Variants in DEPDC5 observed in about 807,000 individuals in gnomAD.
DEPDC5 encodes the protein DEP domain containing 5, GATOR1 subcomplex subunit.
A neutral mutation model predicts 217.3 loss-of-function variants in DEPDC5; 73 were observed. The ratio of observed to expected loss-of-function variants is 0.34; its 90% CI spans 0.28 to 0.41. DEPDC5 has a LOEUF of 0.41. Ranked by LOEUF, DEPDC5 falls within the 10% of genes least tolerant of loss-of-function variation. The probability of loss-of-function intolerance (pLI) is 1.00; values close to 1 mark genes in which losing one functional copy is unlikely to be tolerated. For synonymous variants in DEPDC5, 733 were observed against 756.7 expected (o/e 0.97, Z 0.51); for missense variants, 1,675 against 2,070.1 (o/e 0.81, Z 3.70).
intron 36 of DEPDC5, 147 bp from the exon 37 acceptor site, chr22:31,876,010 A>T: frequency 1.6e-6 from 1 of 619,530 alleles, no homozygotes; most frequent in South Asian, 2.3e-5. Context: ...AATATAATTT[A>T]TATCAAGTAC....
chr22:31,894,513 G>A (rs2149382416), intron 39 of DEPDC5: 1 of 152,156 alleles, frequency 6.6e-6, no homozygotes, highest in African/African-American at 2.4e-5. Context: ...GAACTCAGTG[G>A]TTCTTTACCT....
chr22:31,854,009 T>C (rs1196545149), intron 31 of DEPDC5, among the ~76,000 whole-genome samples: 2 of 152,212 alleles, frequency 1.3e-5, no homozygotes, highest in Non-Finnish European at 2.9e-5. Flanking sequence ...GGCTGTGTCT[T>C]CCTCCTGCCC....
intron 38 of DEPDC5, among the ~76,000 whole-genome samples, chr22:31,886,348 T>A (rs2093312618): frequency 6.6e-6 from 1 of 152,196 alleles, no homozygotes; most frequent in South Asian, 2.1e-4. Context: ...ATATCCTCGT[T>A]TCCAAAGCCT....
chr22:31,905,535 TG>T (rs995779241), intron 41 of DEPDC5, among the ~76,000 whole-genome samples: 3 of 148,080 alleles, frequency 2.0e-5, no homozygotes, highest in African/African-American at 7.5e-5. Context: ...AGTATGCGGG[TG>T]GGTATGTGTG....
intron 38 of DEPDC5, among the ~76,000 whole-genome samples, chr22:31,888,670 C>T (rs1294513206): frequency 6.6e-6 from 1 of 152,198 alleles, no homozygotes; most frequent in Non-Finnish European, 1.5e-5. Context: ...CTGCCTCAGC[C>T]TCCCAAGTGG....
chr22:31,815,186 G>C lies in DEPDC5; in HGVS notation c.1640G>C (p.Ser547Thr), dbSNP rs1483477312. 4 of 1,614,146 alleles carry C rather than the reference G, an allele frequency of 2.5e-6. No individual in the cohort carries two copies. The South Asian group carries it at 3.3e-5, about 13-fold the overall frequency. The change falls in exon 21 of 43, where the codon AGC becomes ACC. Residue 547 changes from serine (S) to threonine (T), a missense_variant. This residue lies in a region of DEPDC5 where 628 missense variants were observed against 762.1 expected (regional missense o/e 0.82). Coordinates refer to ENST00000651528, the MANE Select transcript of DEPDC5 (RefSeq NM_001242896.3). ...HPHLHQYEVS[S>T]SLGYTSTRDV... ...CACCTGCACCAGTATGAAGTCAGCA[G>C]CTCCTTGGGATACACCAGCACTCGA... is the stretch of plus-strand genomic sequence containing the variant.
chr22:31,821,663 A>G (rs2089710842), intron 23 of DEPDC5, 26 bp downstream of exon 23: 3 of 1,604,634 alleles, frequency 1.9e-6, no homozygotes, highest in South Asian at 2.2e-5. Context: ...GGGCTCTGGA[A>G]GGTAACCTGA....
chr22:31,891,042 T>C (rs1381253452), intron 38 of DEPDC5: 10 of 227,218 alleles, frequency 4.4e-5, no homozygotes, highest in Non-Finnish European at 1.8e-5. Context: ...ATTTTGGGAA[T>C]GGTTTTCTAA....
chr22:31,869,899 G>A (rs544861005), intron 33 of DEPDC5, among the ~76,000 whole-genome samples: 7 of 152,242 alleles, frequency 4.6e-5, no homozygotes, highest in Non-Finnish European at 8.8e-5. Context: ...TTGAGGGAGA[G>A]GCTGCAATCA....
chr22:31,877,436 C>CAAAAAAAA lies in DEPDC5; in HGVS notation c.3805+1195_3805+1202dup. On this transcript the variant is annotated intron_variant, in intron 37 of 42. Coordinates refer to ENST00000651528, the MANE Select transcript of DEPDC5 (RefSeq NM_001242896.3). ...TGGGCTACAGAGTGAGACTCCATCT[C>CAAAAAAAA]AAAAAAAAAAAAAAAAAAAAAAAAA... 8.6e-4 allele frequency among the ~76,000 whole-genome samples: 18 copies of CAAAAAAAA among 21,018 alleles called. 5 individuals are homozygous for CAAAAAAAA. Among genetic ancestry groups the CAAAAAAAA allele is most frequent in the African/African-American group, 1.6e-3 (12 of 7,320 alleles). 13.8% of individuals were successfully genotyped at this position (21,018 alleles called of 152,430 possible).
intron 30 of DEPDC5, 93 bp from the exon 31 acceptor site, chr22:31,846,741 G>T (rs746883348): frequency 1.9e-5 from 30 of 1,573,156 alleles, no homozygotes; most frequent in Non-Finnish European, 2.5e-5. Flanking sequence ...GGATTCCCGG[G>T]GCCTGGGAAT....
At chr22:31,792,920 AC>A in intron 12 of DEPDC5, 103 bp downstream of exon 12, 1 of 1,018,296 alleles carries the variant, frequency 9.8e-7, no homozygotes, top group South Asian at 2.1e-5. Context: ...CCCTGTCTCT[AC>A]CAAAAATACA....
chr22:31,774,026 G>A (rs540139461), intron 7 of DEPDC5, among the ~76,000 whole-genome samples: 294 of 152,086 alleles, frequency 1.9e-3, no homozygotes, highest in African/African-American at 7.0e-3. Flanking sequence ...AGCCGAGATC[G>A]TGCCATTGCA....
intron 25 of DEPDC5, among the ~76,000 whole-genome samples, chr22:31,835,847 C>T (rs991496048): frequency 3.9e-5 from 6 of 152,178 alleles, no homozygotes; most frequent in Non-Finnish European, 8.8e-5. Flanking sequence ...AGTGGTGCCA[C>T]GTGGGGCATC....
chr22:31,902,408 T>A lies in DEPDC5; in HGVS notation c.4436+606T>A, dbSNP rs200289385. ...TCTCCAGTATCCTGTCATCTCCTTATTATATATATATATATATATATATAT... is the reference window on the plus strand; with the variant it reads ...TCTCCAGTATCCTGTCATCTCCTTAATATATATATATATATATATATATAT... On this transcript the variant is annotated intron_variant, in intron 41 of 42. Coordinates refer to ENST00000651528, the MANE Select transcript of DEPDC5 (RefSeq NM_001242896.3). Among the ~76,000 whole-genome samples the A allele has an allele frequency of 5.0e-3, 559 of 111,822 alleles. 6 individuals are homozygous for A. Among genetic ancestry groups the A allele is most frequent in the African/African-American group, 0.016 (462 of 29,106 alleles). The allele number at this position is 111,822 out of a possible 152,430, so 73.4% of individuals were successfully genotyped here. A position where few individuals can be genotyped will look rare whatever the true frequency, so the allele number is the denominator to read the frequency against.
chr22:31,849,091 C>G (rs1485158237), intron 31 of DEPDC5, among the ~76,000 whole-genome samples: 2 of 152,186 alleles, frequency 1.3e-5, no homozygotes, highest in African/African-American at 4.8e-5. Flanking sequence ...GCCAAACTTT[C>G]CCACATCTTC....
chr22:31,839,317 C>A (rs1262962491), intron 27 of DEPDC5, among the ~76,000 whole-genome samples: 2 of 152,176 alleles, frequency 1.3e-5, no homozygotes, highest in Non-Finnish European at 2.9e-5. Flanking sequence ...AATGGGTCAT[C>A]TATGAGTGGC....
At chr22:31,830,310 T>C (rs1258949017) in intron 24 of DEPDC5, among the ~76,000 whole-genome samples, 1 of 152,258 alleles carries the variant, frequency 6.6e-6, no homozygotes, top group Non-Finnish European at 1.5e-5. Context: ...CTTACCAGCA[T>C]TGGCTTCCGA....
intron 31 of DEPDC5, among the ~76,000 whole-genome samples, chr22:31,854,812 G>C (rs1358013095): frequency 6.6e-6 from 1 of 152,194 alleles, no homozygotes; most frequent in Admixed American, 6.5e-5. Context: ...AGCACATCCA[G>C]ACTGTGTAAG....
Sources: allele counts gnomAD v4.1 joint callset (sites outside exome capture counted in the v4.1 genomes callset), GRCh38; gene constraint gnomAD v4.1.1; regional missense constraint gnomAD v4.1.1; transcripts MANE v1.5; gene names NCBI Gene and HGNC (gene_info 2026-07-23, HGNC 2026-07-21).